Variants in TMEM117 observed in about 807,000 individuals in gnomAD.
The protein encoded by TMEM117 is transmembrane protein 117.
In TMEM117, 27 loss-of-function variants were observed where a neutral mutation model predicts 52.4. The observed-to-expected ratio is 0.51, with a 90% CI of 0.38 to 0.71. The LOEUF is 0.71. Ranked by LOEUF, TMEM117 falls within the 30% of genes least tolerant of loss-of-function variation. The pLI, the probability that TMEM117 is intolerant of heterozygous loss-of-function variation, is 0.00. For missense variants in TMEM117, 556 were observed against 630.5 expected, an observed-to-expected ratio of 0.88 and a Z score of 1.26; for synonymous variants, 215 against 206.3, an observed-to-expected ratio of 1.04 and a Z score of -0.36.
At chr12:44,011,477 C>G (rs531067577) in intron 3 of TMEM117, among the ~76,000 whole-genome samples, 4 of 152,240 alleles carry the variant, frequency 2.6e-5, no homozygotes, top group Admixed American at 6.5e-5. Context: ...TGCACAAGCT[C>G]TCTCTGTTTG....
intron 1 of TMEM117, among the ~76,000 whole-genome samples, chr12:43,837,253 CT>C (rs1484695699): frequency 6.6e-6 from 1 of 152,196 alleles, no homozygotes; most frequent in Non-Finnish European, 1.5e-5. Flanking sequence ...AAAAAATAAA[CT>C]TTTCACATGA....
chr12:43,808,396 G>A, the TMEM117 span, among the ~76,000 whole-genome samples: 1 of 152,088 alleles, frequency 6.6e-6, no homozygotes, highest in Non-Finnish European at 1.5e-5. Context: ...AATCATTCTT[G>A]GCCAAGGTGG....
intron 3 of TMEM117, among the ~76,000 whole-genome samples, chr12:43,976,891 G>A (rs540921474): frequency 2.8e-4 from 42 of 152,280 alleles, no homozygotes; most frequent in Non-Finnish European, 5.4e-4. Context: ...AGACAAACAT[G>A]AGTATAATCA....
chr12:44,188,760 T>C (rs1949312131), intron 4 of TMEM117, among the ~76,000 whole-genome samples: 1 of 152,144 alleles, frequency 6.6e-6, no homozygotes, highest in African/African-American at 2.4e-5. Flanking sequence ...TAATTCTTTT[T>C]CTTTTTTTTC....
At chr12:44,138,131 C>G (rs1948518838) in intron 3 of TMEM117, among the ~76,000 whole-genome samples, 1 of 152,106 alleles carries the variant, frequency 6.6e-6, no homozygotes, top group Non-Finnish European at 1.5e-5. Flanking sequence ...CAAGCTTAAT[C>G]TTTTCTGGTT....
At chr12:44,396,900 C>T in the TMEM117 span, among the ~76,000 whole-genome samples, 1 of 151,526 alleles carries the variant, frequency 6.6e-6, no homozygotes, top group South Asian at 2.1e-4. Flanking sequence ...ATTTATGTAG[C>T]ATAATATTCT....
At chr12:43,991,435 TG>T (rs1945937216) in intron 3 of TMEM117, among the ~76,000 whole-genome samples, 4 of 83,524 alleles carry the variant, frequency 4.8e-5, no homozygotes, top group African/African-American at 1.5e-4. Context: ...AAATATTTAT[TG>T]TTATCTATCT....
intron 2 of TMEM117, among the ~76,000 whole-genome samples, chr12:43,868,501 G>A (rs1167034748): frequency 6.6e-6 from 1 of 151,584 alleles, no homozygotes; most frequent in African/African-American, 2.4e-5. Context: ...GCAGTGAGCT[G>A]AGATGGTGCC....
intron 2 of TMEM117, among the ~76,000 whole-genome samples, chr12:43,867,165 C>T (rs969172510): frequency 6.6e-6 from 1 of 151,820 alleles, no homozygotes; most frequent in Non-Finnish European, 1.5e-5. Flanking sequence ...GATTTTGTAA[C>T]ATGATACTAT....
At chr12:44,361,443 A>G (rs1565756399) in intron 6 of TMEM117, among the ~76,000 whole-genome samples, 1 of 152,170 alleles carries the variant, frequency 6.6e-6, no homozygotes, top group Non-Finnish European at 1.5e-5. Context: ...TCCTGTAAGT[A>G]TTGTTTAACT....
At chr12:43,862,575 G>A (rs192443039) in intron 2 of TMEM117, among the ~76,000 whole-genome samples, 1 of 152,200 alleles carries the variant, frequency 6.6e-6, no homozygotes, top group Non-Finnish European at 1.5e-5. Flanking sequence ...GACTGATATA[G>A]AAATTTAAAA....
At chr12:44,196,895 TGA>T (rs1949427827) in intron 4 of TMEM117, among the ~76,000 whole-genome samples, 1 of 152,256 alleles carries the variant, frequency 6.6e-6, no homozygotes, top group South Asian at 2.1e-4. Context: ...GTCAGATGGT[TGA>T]GTTACCAGTC....
At chr12:44,152,666 T>C (rs1229155775) in intron 4 of TMEM117, among the ~76,000 whole-genome samples, 1 of 133,072 alleles carries the variant, frequency 7.5e-6, no homozygotes, top group Non-Finnish European at 1.5e-5. Context: ...TTATATCATA[T>C]ATAATTTTTA....
chr12:44,045,933 G>A (rs1232976121), intron 3 of TMEM117, among the ~76,000 whole-genome samples: 1 of 152,196 alleles, frequency 6.6e-6, no homozygotes, highest in Admixed American at 6.5e-5. Context: ...CAGTGGAATG[G>A]CTTTTGATTG....
At position 43,993,222 on chromosome 12, in the gene TMEM117, T is replaced by C. The variant is rs532741970; in HGVS notation, c.410+48880T>C. On this transcript the variant is annotated intron_variant, in intron 3 of 7. Transcript: ENST00000266534. ...TGCCAGAATGCAATCCCAACTGAGC[T>C]ACTTCCTGGCTATAAAATATTGTAC... 2.0e-5 allele frequency among the ~76,000 whole-genome samples: 3 copies of C among 152,340 alleles called. No individual in the cohort carries two copies. The East Asian group carries it at 5.8e-4, about 29-fold the overall frequency.
intron 7 of TMEM117, among the ~76,000 whole-genome samples, chr12:44,377,842 C>T (rs1951963686): frequency 6.6e-6 from 1 of 152,218 alleles, no homozygotes; most frequent in African/African-American, 2.4e-5. Flanking sequence ...ACCTTTGCTT[C>T]CCAGCTAGGA....
chr12:44,376,550 G>GAATGA, intron 6 of TMEM117, 45 bp from the exon 7 acceptor site: 1 of 1,579,280 alleles, frequency 6.3e-7, no homozygotes, highest in Non-Finnish European at 8.6e-7. Context: ...TGCTGCTTAG[G>GAATGA]AATGAAACGA....
intron 2 of TMEM117, among the ~76,000 whole-genome samples, chr12:43,857,410 C>G (rs1943419859): frequency 6.6e-6 from 1 of 150,722 alleles, no homozygotes; most frequent in Non-Finnish European, 1.5e-5. Context: ...ACGTCCTTTT[C>G]TCATTTCCTA....
intron 4 of TMEM117, among the ~76,000 whole-genome samples, chr12:44,160,008 C>A (rs1471654254): frequency 1.3e-5 from 2 of 152,086 alleles, no homozygotes; most frequent in African/African-American, 4.8e-5. Flanking sequence ...AGCACAAAGA[C>A]CCTGGCCAAA....
Sources: gnomAD v4.1 joint callset for allele counts (sites outside exome capture counted in the v4.1 genomes callset) on GRCh38, gnomAD v4.1.1 for gene constraint, MANE v1.5 for transcripts, NCBI Gene and HGNC (gene_info 2026-07-23, HGNC 2026-07-21) for gene names.